MGAT4C: variants seen among roughly 807,000 people sequenced by gnomAD.
MGAT4C encodes the protein alpha-1,3-mannosyl-glycoprotein 4-beta-N-acetylglucosaminyltransferase C.
A neutral mutation model predicts 40.1 loss-of-function variants in MGAT4C; 19 were observed. That is an observed-to-expected ratio of 0.47 (90% CI 0.33 to 0.70). The LOEUF (loss-of-function observed/expected upper bound fraction) is 0.70, where lower values mean the gene tolerates loss of function less well. Among genes scored for constraint, MGAT4C ranks in the 30% least tolerant of loss-of-function variants. MGAT4C has a pLI of 0.02. For missense variants in MGAT4C, 491 were observed against 563.2 expected (o/e 0.87, Z 1.30); for synonymous variants, 181 against 187.1 (o/e 0.97, Z 0.27).
At chr12:86,364,621 G>T (rs898830117) in intron 3 of MGAT4C, among the ~76,000 whole-genome samples, 1 of 152,090 alleles carries the variant, frequency 6.6e-6, no homozygotes, top group East Asian at 1.9e-4. Context: ...TTTCACGTAG[G>T]TTCTTTTCTA....
rs1467012368 is a variant in MGAT4C at position 86,742,565 on chromosome 12, A to T, written c.-261-15324T>A. Among the ~76,000 whole-genome samples, 3 of 151,456 alleles carry T rather than the reference A, an allele frequency of 2.0e-5. No individual in the cohort carries two copies. The East Asian group carries it at 5.8e-4, about 29-fold the overall frequency. On this transcript the variant is annotated intron_variant, in intron 1 of 7. Coordinates refer to the MGAT4C transcript ENST00000548651. Reference sequence around the variant, plus strand: ...CAGATTCCCAGAATGAATACACATGAACCAAACCCTGTGATCCGGTTTAGT... The same window carrying T: ...CAGATTCCCAGAATGAATACACATGTACCAAACCCTGTGATCCGGTTTAGT...
intron 2 of MGAT4C, among the ~76,000 whole-genome samples, chr12:86,585,713 G>T (rs916118041): frequency 2.7e-4 from 40 of 145,618 alleles, no homozygotes; most frequent in African/African-American, 9.8e-4. Flanking sequence ...TCCCAAATAG[G>T]CTCCATGTTT....
At chr12:86,111,894 T>C (rs1187653403) in intron 1 of MGAT4C, among the ~76,000 whole-genome samples, 1 of 151,874 alleles carries the variant, frequency 6.6e-6, no homozygotes, top group Non-Finnish European at 1.5e-5. Context: ...GACAGCCACC[T>C]GGGGCTGAAT....
intron 3 of MGAT4C, among the ~76,000 whole-genome samples, chr12:86,430,604 C>A (rs1957016872): frequency 6.6e-6 from 1 of 152,076 alleles, no homozygotes; most frequent in Non-Finnish European, 1.5e-5. Flanking sequence ...TGGGTGAGTA[C>A]TGTGATGGAT....
intron 2 of MGAT4C, among the ~76,000 whole-genome samples, chr12:86,654,539 C>T (rs1282123017): frequency 6.6e-6 from 1 of 151,848 alleles, no homozygotes; most frequent in Non-Finnish European, 1.5e-5. Flanking sequence ...ATTTTCGGGA[C>T]AATATCCAAC....
intron 1 of MGAT4C, among the ~76,000 whole-genome samples, chr12:86,738,738 G>A (rs770243587): frequency 6.6e-6 from 1 of 151,164 alleles, no homozygotes; most frequent in Non-Finnish European, 1.5e-5. Flanking sequence ...ATATGTCTAT[G>A]CATTTCAATT....
chr12:86,498,813 T>C (rs192405134), intron 2 of MGAT4C, among the ~76,000 whole-genome samples: 1 of 152,074 alleles, frequency 6.6e-6, no homozygotes, highest in East Asian at 1.9e-4. Flanking sequence ...CTTGTGTATT[T>C]TTTATTGTGC....
chr12:86,266,657 G>A (rs1952794781), intron 4 of MGAT4C, among the ~76,000 whole-genome samples: 2 of 152,076 alleles, frequency 1.3e-5, no homozygotes, highest in Admixed American at 6.5e-5. Flanking sequence ...CTCCTAGAAT[G>A]AGTTAGAAAA....
intron 1 of MGAT4C, among the ~76,000 whole-genome samples, chr12:86,763,606 T>A (rs1951443984): frequency 6.6e-6 from 1 of 152,188 alleles, no homozygotes; most frequent in Admixed American, 6.5e-5. Flanking sequence ...CTGTAGACAA[T>A]TTCAATAAAA....
intron 1 of MGAT4C, among the ~76,000 whole-genome samples, chr12:86,164,784 T>G (rs1274656555): frequency 6.6e-6 from 1 of 152,150 alleles, no homozygotes; most frequent in African/African-American, 2.4e-5. Flanking sequence ...AGACAAGTTA[T>G]GTTGCTAGAG....
chr12:86,112,220 T>G (rs1479295321), intron 1 of MGAT4C, among the ~76,000 whole-genome samples: 1 of 151,838 alleles, frequency 6.6e-6, no homozygotes, highest in Non-Finnish European at 1.5e-5. Context: ...ATAAAATCTC[T>G]ATCACCTTTA....
At chr12:86,119,528 C>T (rs192053879) in intron 1 of MGAT4C, among the ~76,000 whole-genome samples, 13 of 151,976 alleles carry the variant, frequency 8.6e-5, no homozygotes, top group Non-Finnish European at 1.3e-4. Context: ...CTGCTTCAGC[C>T]TCCAGAGTAG....
chr12:86,480,033 A>G lies in MGAT4C; in HGVS notation c.-228-44768T>C, dbSNP rs142474604. Reference sequence around the variant, plus strand: ...AATACCCTAAATAAATATCTTGTTCATTAGGTAAGCATATAGTTTTATGAT... The same window carrying G: ...AATACCCTAAATAAATATCTTGTTCGTTAGGTAAGCATATAGTTTTATGAT... On this transcript the variant is annotated intron_variant, in intron 2 of 7. Coordinates refer to the MGAT4C transcript ENST00000548651. 2.1e-3 allele frequency among the ~76,000 whole-genome samples: 324 copies of G among 152,016 alleles called. 5 individuals are homozygous for G. The highest frequency in any genetic ancestry group is 0.018 in the Admixed American group (274 of 15,236).
At chr12:86,564,469 C>A (rs566949551) in intron 2 of MGAT4C, among the ~76,000 whole-genome samples, 2 of 152,262 alleles carry the variant, frequency 1.3e-5, no homozygotes, top group South Asian at 4.1e-4. Context: ...AGATATCACA[C>A]TGGTCCATTA....
intron 1 of MGAT4C, among the ~76,000 whole-genome samples, chr12:86,225,348 G>C (rs1951033916): frequency 6.6e-6 from 1 of 152,052 alleles, no homozygotes; most frequent in Non-Finnish European, 1.5e-5. Context: ...AATTCACAGT[G>C]AAATTAGACG....
At chr12:86,410,845 A>T (rs1277924387) in intron 3 of MGAT4C, among the ~76,000 whole-genome samples, 8 of 152,202 alleles carry the variant, frequency 5.3e-5, no homozygotes. Context: ...TTCACAATTT[A>T]TGTTCCTCTG....
intron 1 of MGAT4C, among the ~76,000 whole-genome samples, chr12:86,760,363 A>ATTTTTG (rs1007257198): frequency 7.2e-5 from 11 of 152,056 alleles, no homozygotes; most frequent in African/African-American, 1.9e-4. Context: ...TTAGGCACGG[A>ATTTTTG]TTTTTGTTTT....
At chr12:86,094,652 T>A (rs1170171083) in intron 1 of MGAT4C, among the ~76,000 whole-genome samples, 1 of 152,190 alleles carries the variant, frequency 6.6e-6, no homozygotes, top group South Asian at 2.1e-4. Flanking sequence ...TACAAAGATA[T>A]GTTTTCATTA....
chr12:86,166,994 T>C (rs1886262739), intron 1 of MGAT4C, among the ~76,000 whole-genome samples: 1 of 152,192 alleles, frequency 6.6e-6, no homozygotes, highest in African/African-American at 2.4e-5. Flanking sequence ...TAAAATTATA[T>C]ACCTTATATT....
Sources: gnomAD v4.1 joint callset for allele counts (sites outside exome capture counted in the v4.1 genomes callset) on GRCh38, gnomAD v4.1.1 for gene constraint, MANE v1.5 for transcripts, NCBI Gene and HGNC (gene_info 2026-07-23, HGNC 2026-07-21) for gene names.